The following GPC6 variants were observed in gnomAD, a reference collection of about 807,000 sequenced individuals.
GPC6 encodes the protein glypican-6.
GPC6 carries 14 observed loss-of-function variants against 55.2 expected under a neutral mutation model. The ratio of observed to expected loss-of-function variants is 0.25; its 90% confidence interval spans 0.17 to 0.40. The LOEUF (loss-of-function observed/expected upper bound fraction) is 0.40, where lower values mean the gene tolerates loss of function less well. Among genes scored for constraint, GPC6 ranks in the 10% least tolerant of loss-of-function variants. GPC6 has a pLI of 1.00. For missense variants in GPC6, 641 were observed against 708.5 expected (o/e 0.90, Z 1.08); for synonymous variants, 278 against 259.6 (o/e 1.07, Z -0.68).
chr13:94,229,979 G>A (rs1200801185), intron 4 of GPC6, among the ~76,000 whole-genome samples: 1 of 152,196 alleles, frequency 6.6e-6, no homozygotes, highest in Non-Finnish European at 1.5e-5. Context: ...TGAACAGGAA[G>A]CCAGGGATGG....
intron 2 of GPC6, among the ~76,000 whole-genome samples, chr13:93,694,781 G>C (rs1882390543): frequency 6.6e-6 from 1 of 152,104 alleles, no homozygotes. Context: ...AGCTTGAGTT[G>C]CCTTTCTTTT....
intron 1 of GPC6, among the ~76,000 whole-genome samples, chr13:93,454,931 G>A (rs913161775): frequency 2.6e-5 from 4 of 152,246 alleles, no homozygotes; most frequent in Non-Finnish European, 5.9e-5. Flanking sequence ...GCCCTGTCCC[G>A]CAGGAAGGCA....
At chr13:93,853,308 A>G (rs1357121683) in intron 3 of GPC6, among the ~76,000 whole-genome samples, 5 of 151,802 alleles carry the variant, frequency 3.3e-5, no homozygotes, top group Admixed American at 1.3e-4. Flanking sequence ...CCTTACCACC[A>G]CTATGGCAAA....
intron 3 of GPC6, among the ~76,000 whole-genome samples, chr13:93,950,714 G>A (rs1459899686): frequency 1.3e-5 from 2 of 152,024 alleles, no homozygotes; most frequent in South Asian, 2.1e-4. Flanking sequence ...TGGCTTTATC[G>A]TGGTTTCATC....
At chr13:93,643,133 T>A (rs988126902) in intron 2 of GPC6, among the ~76,000 whole-genome samples, 1 of 152,130 alleles carries the variant, frequency 6.6e-6, no homozygotes, top group Admixed American at 6.6e-5. Context: ...TTGTGTAAGT[T>A]ATTGTGCAAT....
intron 2 of GPC6, among the ~76,000 whole-genome samples, chr13:93,687,544 G>A (rs576794774): frequency 5.1e-4 from 78 of 152,048 alleles, no homozygotes; most frequent in African/African-American, 1.7e-3. Context: ...GGAATGCTTG[G>A]GTTTAAATAC....
At chr13:94,269,677 C>T (rs1199884416) in intron 4 of GPC6, among the ~76,000 whole-genome samples, 1 of 152,134 alleles carries the variant, frequency 6.6e-6, no homozygotes, top group Non-Finnish European at 1.5e-5. Flanking sequence ...CCTGTGTCCA[C>T]TTTTGTCCCC....
chr13:94,115,758 C>A (rs1353481728), intron 4 of GPC6, among the ~76,000 whole-genome samples: 1 of 152,078 alleles, frequency 6.6e-6, no homozygotes, highest in Non-Finnish European at 1.5e-5. Context: ...GATATTTATA[C>A]CATTTCTACT....
Position 93,615,286 on chromosome 13 carries a change from C to T in GPC6, c.319+69865C>T, listed in dbSNP as rs1878664374. ...AATTATCAAAGAATTTTAAAATTAA[C>T]ATAACTTTGTCCAAAGTCAGTGTCT... On this transcript the variant is annotated intron_variant, in intron 2 of 8. Coordinates refer to ENST00000377047, the MANE Select transcript of GPC6 (RefSeq NM_005708.5). Among the ~76,000 whole-genome samples the T allele has an allele frequency of 2.0e-5, 3 of 152,072 alleles. No homozygotes were observed. The South Asian group carries it at 6.2e-4, about 31-fold the overall frequency.
chr13:93,527,000 G>A (rs1378592248), intron 1 of GPC6, among the ~76,000 whole-genome samples: 1 of 151,846 alleles, frequency 6.6e-6, no homozygotes, highest in Non-Finnish European at 1.5e-5. Context: ...ATTATTCTTA[G>A]TGTGCCCTAA....
In GPC6 at chr13:94,113,197, A is replaced by C. The variant is rs570174934; in HGVS notation, c.877+85303A>C. Among the ~76,000 whole-genome samples, 14 of 152,224 alleles carry C rather than the reference A, an allele frequency of 9.2e-5. No individual in the cohort carries two copies. In the East Asian group the frequency reaches 2.3e-3, roughly 25 times the overall value. On this transcript the variant is annotated intron_variant, in intron 4 of 8. Transcript: ENST00000377047. ...TTAACCTAAGATCTTTATAAACTCC[A>C]CGTGACAGACTTTTCAGCCATAAAA...
intron 1 of GPC6, among the ~76,000 whole-genome samples, chr13:93,493,614 T>C (rs546900268): frequency 7.2e-6 from 1 of 138,018 alleles, no homozygotes; most frequent in African/African-American, 2.7e-5. Context: ...ATTGTGATGT[T>C]AGGGTGTCAA....
Position 93,571,842 on chromosome 13 carries a change from C to T in GPC6, c.319+26421C>T, listed in dbSNP as rs927387011. ...GATGACTAGATAATTTTCTGGTGAACGAGCACAATGGTCCATTTTATTCAC... is the reference window on the plus strand; with the variant it reads ...GATGACTAGATAATTTTCTGGTGAATGAGCACAATGGTCCATTTTATTCAC... On this transcript the variant is annotated intron_variant, in intron 2 of 8. Coordinates refer to ENST00000377047, the MANE Select transcript of GPC6 (RefSeq NM_005708.5). Among the ~76,000 whole-genome samples, 12 of 152,086 alleles carry T rather than the reference C, an allele frequency of 7.9e-5. No individual in the cohort carries two copies. In the East Asian group the frequency reaches 9.6e-4, roughly 12 times the overall value.
intron 1 of GPC6, among the ~76,000 whole-genome samples, chr13:93,528,633 T>C (rs1030915298): frequency 2.0e-5 from 3 of 152,204 alleles, no homozygotes; most frequent in Admixed American, 2.0e-4. Flanking sequence ...GATATTTGAA[T>C]ATGAAGTTTT....
intron 4 of GPC6, among the ~76,000 whole-genome samples, chr13:94,099,095 G>A (rs1885761790): frequency 6.6e-6 from 1 of 152,066 alleles, no homozygotes; most frequent in African/African-American, 2.4e-5. Context: ...TCTTTCTTAT[G>A]ATGAGGATAA....
chr13:94,253,694 T>C (rs1347358651), intron 4 of GPC6, among the ~76,000 whole-genome samples: 1 of 152,098 alleles, frequency 6.6e-6, no homozygotes, highest in East Asian at 1.9e-4. Context: ...TTACTACATC[T>C]GGTTAGTCAT....
chr13:93,846,063 C>T (rs1015263866), intron 3 of GPC6, among the ~76,000 whole-genome samples: 1 of 151,968 alleles, frequency 6.6e-6, no homozygotes, highest in African/African-American at 2.4e-5. Flanking sequence ...ATGTTAGGAC[C>T]AGGGAAGAAT....
chr13:94,325,662 T>G (rs1877078449), intron 6 of GPC6, among the ~76,000 whole-genome samples: 1 of 152,234 alleles, frequency 6.6e-6, no homozygotes, highest in Admixed American at 6.5e-5. Flanking sequence ...CTTCCAGGAT[T>G]ACTGGCTTTT....
chr13:93,918,597 C>G (rs1386104367), intron 3 of GPC6, among the ~76,000 whole-genome samples: 3 of 152,164 alleles, frequency 2.0e-5, no homozygotes, highest in Non-Finnish European at 4.4e-5. Flanking sequence ...GGAAGTTACT[C>G]ATCTCATACA....
Sources: allele counts gnomAD v4.1 joint callset (sites outside exome capture counted in the v4.1 genomes callset), GRCh38; gene constraint gnomAD v4.1.1; transcripts MANE v1.5; gene names NCBI Gene and HGNC (gene_info 2026-07-23, HGNC 2026-07-21).